Variants in BPHL observed in about 807,000 individuals in gnomAD.
BPHL encodes the protein biphenyl hydrolase like.
A neutral mutation model predicts 31.2 loss-of-function variants in BPHL; 27 were observed. That is an observed-to-expected ratio of 0.87 (90% CI 0.64 to 1.19). The LOEUF is 1.19. Ranked by LOEUF, BPHL falls within the 50% of genes most tolerant of loss-of-function variation. The pLI, the probability that BPHL is intolerant of heterozygous loss-of-function variation, is 0.00. For missense variants in BPHL, 356 were observed against 375.7 expected, an observed-to-expected ratio of 0.95 and a Z score of 0.43; for synonymous variants, 150 against 146.8, an observed-to-expected ratio of 1.02 and a Z score of -0.16.
At chr6:3,134,603 A>ATTTTTT (rs556567574) in intron 4 of BPHL, among the ~76,000 whole-genome samples, 2,180 of 127,512 alleles carry the variant, frequency 0.017, 32 homozygotes, top group South Asian at 0.049. Flanking sequence ...CACCTGGCTA[A>ATTTTTT]TTTTTTTTTT....
intron 1 of BPHL, among the ~76,000 whole-genome samples, chr6:3,120,752 T>C (rs1009432881): frequency 1.3e-5 from 2 of 152,240 alleles, no homozygotes; most frequent in African/African-American, 2.4e-5. Flanking sequence ...TATGTGCAGT[T>C]ATAAATATTA....
chr6:3,151,289 G>A (rs1003025072), intron 6 of BPHL, among the ~76,000 whole-genome samples: 21 of 152,176 alleles, frequency 1.4e-4, no homozygotes, highest in Admixed American at 1.2e-3. Flanking sequence ...TAGGCAACTG[G>A]GATCCTATCT....
rs1394230854 is a variant in BPHL at position 3,149,772 on chromosome 6, G to A, written c.789-2716G>A. Among the ~76,000 whole-genome samples the A allele has an allele frequency of 6.6e-6, 1 of 152,118 alleles. No individual in the cohort carries two copies. The highest frequency in any genetic ancestry group is 1.5e-5 in the Non-Finnish European group (1 of 68,038). ...AGCCTCCCGAGTAGCTGGGATTATA[G>A]GCGCGCATCACCACGCCGGCTAATT... On this transcript the variant is annotated intron_variant, in intron 6 of 6. Transcript: ENST00000380379. This position sits in a 1 kb window ranked among gnomAD's most constrained non-coding sequence, Gnocchi z 4.6.
At chr6:3,126,586 CTTTT>C (rs551046674) in intron 2 of BPHL, among the ~76,000 whole-genome samples, 9 of 141,030 alleles carry the variant, frequency 6.4e-5, no homozygotes, top group Non-Finnish European at 7.8e-5. Context: ...AGCGCGCCTC[CTTTT>C]TTTTTTTTTT....
Position 3,137,494 on chromosome 6 carries a change from G to T in BPHL, c.664+1G>T. On this transcript the variant is annotated splice_donor_variant, in intron 5 of 6. Coordinates refer to ENST00000380379, the MANE Select transcript of BPHL (RefSeq NM_004332.4). LOFTEE classifies it high-confidence loss of function. ...AGACAGTTTAAACATCTCCCAGATG[G>T]TAGGTTACTGGGCTTGAAGGGCTCT... 1 of 1,613,772 alleles carries T rather than the reference G, an allele frequency of 6.2e-7. No homozygotes were observed. The highest frequency in any genetic ancestry group is 8.5e-7 in the Non-Finnish European group (1 of 1,179,922).
intron 3 of BPHL, among the ~76,000 whole-genome samples, chr6:3,128,023 A>G (rs564587646): frequency 6.6e-6 from 1 of 152,066 alleles, no homozygotes; most frequent in African/African-American, 2.4e-5. Context: ...GTTTCATCGC[A>G]TTAGTCCGGA....
chr6:3,123,590 T>C (rs1466803833), intron 1 of BPHL, 67 bp from the exon 2 acceptor site: 37 of 1,407,182 alleles, frequency 2.6e-5, no homozygotes, highest in Non-Finnish European at 1.6e-5. Flanking sequence ...AGCTGGAATT[T>C]TGAATCAACT....
chr6:3,137,250 G>T (rs1762037154), intron 4 of BPHL, 112 bp from the exon 5 acceptor site: 2 of 1,365,068 alleles, frequency 1.5e-6, no homozygotes, highest in Non-Finnish European at 2.0e-6. Context: ...GGCATTCCAG[G>T]CAGACGAGAC....
intron 5 of BPHL, chr6:3,138,896 A>G (rs1356704822): frequency 6.6e-6 from 1 of 152,242 alleles, no homozygotes; most frequent in African/African-American, 2.4e-5. Context: ...GTAGCAGTGT[A>G]TAAACTGTCT....
chr6:3,130,517 T>G (rs1761843384), intron 4 of BPHL, among the ~76,000 whole-genome samples: 1 of 152,106 alleles, frequency 6.6e-6, no homozygotes, highest in African/African-American at 2.4e-5. Flanking sequence ...AGGACCCTCT[T>G]CCTCAGGCCA....
At chr6:3,128,344 G>A (rs1761773790) in intron 3 of BPHL, among the ~76,000 whole-genome samples, 1 of 152,186 alleles carries the variant, frequency 6.6e-6, no homozygotes, top group Non-Finnish European at 1.5e-5. Flanking sequence ...AGTTCCAGAT[G>A]TTCATTTTGC....
At chr6:3,141,609 G>A (rs1019812271) in intron 6 of BPHL, among the ~76,000 whole-genome samples, 5 of 152,114 alleles carry the variant, frequency 3.3e-5, no homozygotes, top group East Asian at 1.9e-4. Context: ...CTCGTGATCC[G>A]CCTGCCTTGG....
intron 1 of BPHL, among the ~76,000 whole-genome samples, chr6:3,119,960 C>T (rs1761513653): frequency 1.3e-5 from 2 of 152,044 alleles, no homozygotes; most frequent in African/African-American, 4.8e-5. Context: ...TATAAATTAA[C>T]AGTGAAAATG....
chr6:3,147,367 G>A (rs1173871209), intron 6 of BPHL, among the ~76,000 whole-genome samples: 1 of 152,126 alleles, frequency 6.6e-6, no homozygotes, highest in East Asian at 1.9e-4. Context: ...AGGACATTGG[G>A]GCATAGCTTG....
At chr6:3,148,465 C>T (rs1450725219) in intron 6 of BPHL, among the ~76,000 whole-genome samples, 2 of 152,352 alleles carry the variant, frequency 1.3e-5, no homozygotes, top group East Asian at 1.9e-4. Context: ...ATTTTCAGCT[C>T]CATAGAAAAG....
At chr6:3,127,475 A>G (rs1761750545) in intron 3 of BPHL, 67 bp downstream of exon 3, 1 of 1,322,302 alleles carries the variant, frequency 7.6e-7, no homozygotes, top group Non-Finnish European at 1.0e-6. Flanking sequence ...ATTTTGTTTA[A>G]ATTTTGTTGT....
chr6:3,134,581 C>T (rs1038015206), intron 4 of BPHL, among the ~76,000 whole-genome samples: 12 of 150,474 alleles, frequency 8.0e-5, no homozygotes, highest in Admixed American at 2.0e-4. Context: ...GCACTACAGG[C>T]GTGTGCCACC....
At chr6:3,150,854 T>G (rs1311202162) in intron 6 of BPHL, among the ~76,000 whole-genome samples, 2 of 152,228 alleles carry the variant, frequency 1.3e-5, no homozygotes, top group African/African-American at 4.8e-5. Context: ...AAGAGTTGTC[T>G]TCATACTCTC....
Position 3,127,201 on chromosome 6 carries a change from T to C in BPHL, c.212-41T>C, listed in dbSNP as rs752455746. On this transcript the variant is annotated intron_variant, in intron 2 of 6. Coordinates refer to ENST00000380379, the MANE Select transcript of BPHL (RefSeq NM_004332.4). ...GTTTTCACTGTAATGTGTTTGATAGTGAAAGCGATCACCTGAGGGTAACCA... is the reference window on the plus strand; with the variant it reads ...GTTTTCACTGTAATGTGTTTGATAGCGAAAGCGATCACCTGAGGGTAACCA... 4 of 1,403,194 alleles carry C rather than the reference T, an allele frequency of 2.9e-6. No homozygotes were observed. In the South Asian group the frequency reaches 6.0e-5, roughly 21 times the overall value. 86.9% of individuals were successfully genotyped at this position (1,403,194 alleles called of 1,614,324 possible). A position where few individuals can be genotyped will look rare whatever the true frequency, so the allele number is the denominator to read the frequency against.
Sources: gnomAD v4.1 joint callset for allele counts (sites outside exome capture counted in the v4.1 genomes callset) on GRCh38, gnomAD v4.1.1 for gene constraint, Gnocchi (gnomAD v3.1) non-coding constraint, MANE v1.5 for transcripts, NCBI Gene and HGNC (gene_info 2026-07-23, HGNC 2026-07-21) for gene names.